The following ZNF354B variants were observed in gnomAD, a reference collection of about 807,000 sequenced individuals.
ZNF354B encodes the protein zinc finger protein 354B.
Under a neutral mutation model 12.9 loss-of-function variants are expected in ZNF354B, and 10 were observed. The ratio of observed to expected loss-of-function variants is 0.77; its 90% CI spans 0.48 to 1.31. The LOEUF is 1.31. ZNF354B is among the 40% of genes most tolerant of loss of function. The probability of loss-of-function intolerance (pLI) is 0.00; values close to 1 mark genes in which losing one functional copy is unlikely to be tolerated. For missense variants in ZNF354B, 614 were observed against 711.7 expected, an observed-to-expected ratio of 0.86 and a Z score of 1.56; for synonymous variants, 260 against 243.7, an observed-to-expected ratio of 1.07 and a Z score of -0.62.
intron 4 of ZNF354B, among the ~76,000 whole-genome samples, chr5:178,873,498 A>G (rs540535067): frequency 4.6e-5 from 7 of 152,100 alleles, no homozygotes; most frequent in African/African-American, 1.4e-4. Flanking sequence ...TTTGCATGCG[A>G]ATCTTCAGTT....
intron 4 of ZNF354B, among the ~76,000 whole-genome samples, chr5:178,879,442 C>CA (rs1757686790): frequency 6.6e-6 from 1 of 152,054 alleles, no homozygotes; most frequent in Non-Finnish European, 1.5e-5. Flanking sequence ...TGCAGAGGCC[C>CA]AATCTCGGCT....
intron 2 of ZNF354B, among the ~76,000 whole-genome samples, chr5:178,865,571 T>C (rs984282701): frequency 4.0e-5 from 6 of 151,788 alleles, no homozygotes; most frequent in Non-Finnish European, 5.9e-5. Context: ...CCAGCCAACT[T>C]TAAACAAATT....
intron 4 of ZNF354B, among the ~76,000 whole-genome samples, chr5:178,868,961 G>C (rs1757510232): frequency 7.0e-6 from 1 of 142,996 alleles, no homozygotes; most frequent in African/African-American, 2.7e-5. Flanking sequence ...GACAGAGCAA[G>C]ACTCCAACTC....
chr5:178,871,476 T>C (rs186000276), intron 4 of ZNF354B, among the ~76,000 whole-genome samples: 26 of 152,336 alleles, frequency 1.7e-4, no homozygotes, highest in Admixed American at 1.4e-3. Context: ...CGTGCTTTAT[T>C]TTCCCTCTCC....
At chr5:178,863,337 A>G (rs1757392824) in intron 2 of ZNF354B, among the ~76,000 whole-genome samples, 1 of 152,218 alleles carries the variant, frequency 6.6e-6, no homozygotes, top group African/African-American at 2.4e-5. Context: ...TGTGCATTGC[A>G]TAATGACATT....
rs998362114 is a variant in ZNF354B, at chr5:178,882,922, G to T, written c.470G>T (p.Ser157Ile). The T allele has an allele frequency of 1.2e-6, 2 of 1,600,262 alleles. No individual in the cohort carries two copies. Among genetic ancestry groups the T allele is most frequent in the Non-Finnish European group, 1.7e-6 (2 of 1,176,652 alleles). Residue 157 changes from serine to isoleucine, a missense_variant, in exon 5 of 5, where the codon AGC becomes ATC. Transcript: ENST00000322434. ...AHTKILTVDR[S>I]HKNVEFGQNF... ...ACAAAAATCCTTACTGTAGATAGAA[G>T]CCATAAAAATGTTGAATTTGGCCAA...
rs1204607405 is a variant in ZNF354B at position 178,884,335 on chromosome 5, GATTT to G, written c.*48_*51del. 2 of 1,516,368 alleles carry G rather than the reference GATTT, an allele frequency of 1.3e-6. No individual in the cohort carries two copies. The highest frequency in any genetic ancestry group is 1.8e-6 in the Non-Finnish European group (2 of 1,134,536). 93.9% of individuals were successfully genotyped at this position (1,516,368 alleles called of 1,614,324 possible). On this transcript the variant is annotated 3_prime_UTR_variant, in exon 5 of 5. Coordinates refer to ENST00000322434, the MANE Select transcript of ZNF354B (RefSeq NM_058230.3). Reference sequence around the variant, plus strand: ...CATCAGAGAATACATGCTTGAGAGTGATTTATTAAATATAATGAATATGAGAAAA... The same window carrying G: ...CATCAGAGAATACATGCTTGAGAGTGATTAAATATAATGAATATGAGAAAA...
chr5:178,862,362 C>CTTTTTTTTTTTTTTTTTTTT (rs769224561), intron 2 of ZNF354B, among the ~76,000 whole-genome samples: 1 of 105,618 alleles, frequency 9.5e-6, no homozygotes. Flanking sequence ...GTGGCATTAT[C>CTTTTTTTTTTTTTTTTTTTT]TTTTTTTTTT....
At chr5:178,875,593 G>T (rs1430165008) in intron 4 of ZNF354B, among the ~76,000 whole-genome samples, 1 of 152,158 alleles carries the variant, frequency 6.6e-6, no homozygotes, top group African/African-American at 2.4e-5. Flanking sequence ...GGGACTTTCG[G>T]TTGCCTCTGT....
In ZNF354B at chr5:178,884,981, T is replaced by G. The variant is rs1190534561; in HGVS notation, c.*690T>G. 1 of 152,246 alleles carries G rather than the reference T, an allele frequency of 6.6e-6. No homozygotes were observed. The highest frequency in any genetic ancestry group is 2.4e-5 in the African/African-American group (1 of 41,476). The allele number at this position is 152,246 out of a possible 1,614,324, so 9.4% of individuals were successfully genotyped here. ...TGGAATTTACCTTTTCCTGACTTAC[T>G]GTCAAACTTCGTGCATGGCTTTTAT... is the stretch of plus-strand genomic sequence containing the variant. On this transcript the variant is annotated 3_prime_UTR_variant, in exon 5 of 5. Transcript: ENST00000322434.
intron 4 of ZNF354B, among the ~76,000 whole-genome samples, chr5:178,867,954 G>C (rs1445850912): frequency 1.3e-5 from 2 of 152,206 alleles, no homozygotes; most frequent in East Asian, 3.9e-4. Flanking sequence ...TGAAAGTGAG[G>C]CAAAACTAGA....
intron 2 of ZNF354B, among the ~76,000 whole-genome samples, chr5:178,865,739 A>G (rs995578134): frequency 3.9e-5 from 6 of 152,210 alleles, no homozygotes; most frequent in Non-Finnish European, 8.8e-5. Flanking sequence ...TCAGTAAAAG[A>G]GAGGTGTTCT....
At chr5:178,870,545 G>A (rs1433471839) in intron 4 of ZNF354B, among the ~76,000 whole-genome samples, 1 of 152,216 alleles carries the variant, frequency 6.6e-6, no homozygotes, top group East Asian at 1.9e-4. Context: ...CTCCCAAAAG[G>A]CTGGGATTAC....
At position 178,884,185 on chromosome 5, in the gene ZNF354B, A is replaced by G. The variant is rs755154369; in HGVS notation, c.1733A>G (p.Tyr578Cys). The change falls in exon 5 of 5, where the codon TAT becomes TGT. Residue 578 changes from tyrosine to cysteine, a missense_variant. By Grantham distance (194) the Tyr-to-Cys change is radical. Coordinates refer to ENST00000322434, the MANE Select transcript of ZNF354B (RefSeq NM_058230.3). ...AGAATTCATACTGGAGAGAAACCCTATGAATGTAATGCATGTGGGAAACTC... is the reference window on the plus strand; with the variant it reads ...AGAATTCATACTGGAGAGAAACCCTGTGAATGTAATGCATGTGGGAAACTC... Reference protein sequence around the residue: ...HQRIHTGEKPYECNACGKLFS... With the variant: ...HQRIHTGEKPCECNACGKLFS... The G allele has an allele frequency of 4.3e-6, 7 of 1,613,962 alleles. No individual in the cohort carries two copies. The highest frequency in any genetic ancestry group is 5.9e-6 in the Non-Finnish European group (7 of 1,179,946).
chr5:178,880,624 G>C (rs1238673443), intron 4 of ZNF354B, among the ~76,000 whole-genome samples: 1 of 150,074 alleles, frequency 6.7e-6, no homozygotes, highest in South Asian at 2.1e-4. Flanking sequence ...CTTTTATGTA[G>C]CCAGGACTGC....
intron 4 of ZNF354B, among the ~76,000 whole-genome samples, chr5:178,882,282 G>A (rs902343980): frequency 6.6e-6 from 1 of 152,126 alleles, no homozygotes; most frequent in East Asian, 1.9e-4. Context: ...TTAGGAAAAG[G>A]TACACAGAGG....
rs73804960 is a variant in ZNF354B, at chr5:178,862,259, T to C, written c.33+1179T>C. ...TGAGTACAGTCCAAGTATGCCTGGCTCTGAGTTCCGTCGGACCACCCAGTC... is the reference window on the plus strand; with the variant it reads ...TGAGTACAGTCCAAGTATGCCTGGCCCTGAGTTCCGTCGGACCACCCAGTC... On this transcript the variant is annotated intron_variant, in intron 2 of 4. Transcript: ENST00000322434. Among the ~76,000 whole-genome samples, 787 of 152,210 alleles carry C rather than the reference T, an allele frequency of 5.2e-3. 3 individuals carry two copies. Among genetic ancestry groups the C allele is most frequent in the African/African-American group, 0.018 (731 of 41,526 alleles).
At chr5:178,870,958 C>T (rs1378346942) in intron 4 of ZNF354B, among the ~76,000 whole-genome samples, 1 of 152,172 alleles carries the variant, frequency 6.6e-6, no homozygotes, top group East Asian at 1.9e-4. Context: ...CCGCACCTAC[C>T]CAGTATAGTC....
In ZNF354B at chr5:178,884,326, C is replaced by T. The variant is rs1321525521; in HGVS notation, c.*35C>T. On this transcript the variant is annotated 3_prime_UTR_variant, in exon 5 of 5. Coordinates refer to ENST00000322434, the MANE Select transcript of ZNF354B (RefSeq NM_058230.3). ...ACCAAAACTCATCAGAGAATACATG[C>T]TTGAGAGTGATTTATTAAATATAAT... 8.5e-6 allele frequency: 13 copies of T among 1,526,478 alleles called. No homozygotes were observed. The highest frequency in any genetic ancestry group is 1.1e-5 in the Non-Finnish European group (13 of 1,141,226). 94.6% of individuals were successfully genotyped at this position (1,526,478 alleles called of 1,614,324 possible). A position where few individuals can be genotyped will look rare whatever the true frequency, so the allele number is the denominator to read the frequency against.
Sources: allele counts gnomAD v4.1 joint callset (sites outside exome capture counted in the v4.1 genomes callset), GRCh38; gene constraint gnomAD v4.1.1; transcripts MANE v1.5; gene names NCBI Gene and HGNC (gene_info 2026-07-23, HGNC 2026-07-21).